Variants in ZGPAT observed in about 807,000 individuals in gnomAD.
The protein encoded by ZGPAT is zinc finger CCCH-type and G-patch domain containing.
A neutral mutation model predicts 47.9 loss-of-function variants in ZGPAT; 39 were observed. The ratio of observed to expected loss-of-function variants is 0.81; its 90% CI spans 0.63 to 1.06. The LOEUF (loss-of-function observed/expected upper bound fraction) is 1.06. ZGPAT is among the 50% of genes least tolerant of loss of function. The pLI is 0.00. For missense variants in ZGPAT, 717 were observed against 681.4 expected (o/e 1.05, Z -0.58); for synonymous variants, 348 against 292.9 (o/e 1.19, Z -1.92).
chr20:63,722,827 C>T (rs1195228039), intron 2 of ZGPAT, among the ~76,000 whole-genome samples: 2 of 152,138 alleles, frequency 1.3e-5, no homozygotes, highest in Admixed American at 6.6e-5. Flanking sequence ...GATGAGGTTT[C>T]ACCATGTTGG....
intron 2 of ZGPAT, among the ~76,000 whole-genome samples, chr20:63,718,990 C>T (rs953770313): frequency 2.7e-5 from 4 of 150,196 alleles, no homozygotes; most frequent in East Asian, 2.0e-4. Context: ...GGCGTGAACC[C>T]GGGAGGTGGA....
chr20:63,719,598 C>A (rs2091766667), intron 2 of ZGPAT, among the ~76,000 whole-genome samples: 1 of 152,014 alleles, frequency 6.6e-6, no homozygotes, highest in African/African-American at 2.4e-5. Flanking sequence ...TACTTTTTAG[C>A]TCCAAAGTTT....
chr20:63,733,841 G>C (rs1483396294), intron 4 of ZGPAT, 102 bp downstream of exon 4: 2 of 1,471,044 alleles, frequency 1.4e-6, no homozygotes, highest in Non-Finnish European at 9.1e-7. Flanking sequence ...CTATTGGAGA[G>C]TGTGTGACTG....
At chr20:63,722,708 C>T (rs1468987712) in intron 2 of ZGPAT, among the ~76,000 whole-genome samples, 2 of 151,646 alleles carry the variant, frequency 1.3e-5, no homozygotes, top group African/African-American at 2.4e-5. Context: ...TCTCGGCTCA[C>T]TGCAACCTCC....
intron 2 of ZGPAT, among the ~76,000 whole-genome samples, chr20:63,722,233 T>C (rs2091796240): frequency 1.3e-5 from 2 of 152,136 alleles, no homozygotes; most frequent in Admixed American, 1.3e-4. Flanking sequence ...TGGCTACATG[T>C]GAGCTGGTAG....
intron 2 of ZGPAT, among the ~76,000 whole-genome samples, chr20:63,710,151 C>T (rs1183027524): frequency 6.7e-6 from 1 of 149,112 alleles, no homozygotes; most frequent in Non-Finnish European, 1.5e-5. Context: ...TGAGCCACCG[C>T]GCCTGGCCTT....
chr20:63,708,921 CG>C lies in ZGPAT; in HGVS notation c.343del (p.Ala115GlnfsTer15). 6.2e-7 allele frequency: 1 copy of C among 1,612,170 alleles called. No individual in the cohort carries two copies. Among genetic ancestry groups the C allele is most frequent in the Non-Finnish European group, 8.5e-7 (1 of 1,179,576 alleles). ...AAAGCAGAGGCGGGGCCAGAATCTG[CG>C]GCAGGTGGGCAGGAGGAGGAAGAGG... is the stretch of plus-strand genomic sequence containing the variant. The part of the protein sequence containing the change: ...VPKAEAGPES[A>X]AGGQEEEEGE... On this transcript the variant is annotated frameshift_variant, in exon 2 of 7. Coordinates refer to ENST00000355969, the MANE Select transcript of ZGPAT (RefSeq NM_181485.3). LOFTEE classifies it high-confidence loss of function.
Position 63,732,642 on chromosome 20 carries a change from ATG to A in ZGPAT, c.585-573_585-572del, listed in dbSNP as rs1568800054. 2.3e-4 allele frequency among the ~76,000 whole-genome samples: 8 copies of A among 34,582 alleles called. No homozygotes were observed. In the East Asian group the frequency reaches 0.016, roughly 71 times the overall value. 22.7% of individuals were successfully genotyped at this position (34,582 alleles called of 152,430 possible). A position where few individuals can be genotyped will look rare whatever the true frequency, so the allele number is the denominator to read the frequency against. On this transcript the variant is annotated intron_variant, in intron 2 of 6. Transcript: ENST00000355969. ...GTGTATGTGTATGACGTGTGAGTAC[ATG>A]TGTTAATGTGTGTGTACATGTGTAT... is the stretch of plus-strand genomic sequence containing the variant.
rs775130587 is a variant in ZGPAT, at chr20:63,718,970, G to A, written c.584+9806G>A. Among the ~76,000 whole-genome samples, 6 of 151,920 alleles carry A rather than the reference G, an allele frequency of 3.9e-5. No individual in the cohort carries two copies. The South Asian group carries it at 8.3e-4, about 21-fold the overall frequency. On this transcript the variant is annotated intron_variant, in intron 2 of 6. Coordinates refer to ENST00000355969, the MANE Select transcript of ZGPAT (RefSeq NM_181485.3). The stretch of plus-strand genomic sequence containing the variant: ...AGTCCCAGCTACTCGGGAAGCTGAA[G>A]CAGGAGAATGGCGTGAACCCGGGAG...
chr20:63,727,307 C>T (rs1233492629), intron 2 of ZGPAT, among the ~76,000 whole-genome samples: 1 of 150,106 alleles, frequency 6.7e-6, no homozygotes, highest in Non-Finnish European at 1.5e-5. Context: ...GTGGTGCCAT[C>T]TCGGCTCACT....
In ZGPAT at chr20:63,733,341, C is replaced by T. The variant is rs987183707; in HGVS notation, c.707C>T (p.Ala236Val). The T allele has an allele frequency of 6.2e-7, 1 of 1,611,650 alleles. No homozygotes were observed. The highest frequency in any genetic ancestry group is 1.7e-5 in the Admixed American group (1 of 59,956). The change falls in exon 3 of 7, where the codon GCA becomes GTA. Residue 236 changes from alanine to valine, a missense_variant. Coordinates refer to ENST00000355969, the MANE Select transcript of ZGPAT (RefSeq NM_181485.3). ...AKHQDGLWHA[A>V]RITDVDNGYY... ...CACCAGGATGGCCTCTGGCACGCAG[C>T]ACGCATCACCGGTGAGGCTGGCCGT... is the stretch of plus-strand genomic sequence containing the variant.
chr20:63,721,787 G>A (rs933964802), intron 2 of ZGPAT, among the ~76,000 whole-genome samples: 3 of 152,062 alleles, frequency 2.0e-5, no homozygotes, highest in Non-Finnish European at 4.4e-5. Flanking sequence ...AGGCCGAGGC[G>A]GGTGAATTGC....
chr20:63,732,112 T>C (rs2091911157), intron 2 of ZGPAT, among the ~76,000 whole-genome samples: 1 of 145,584 alleles, frequency 6.9e-6, no homozygotes, highest in Non-Finnish European at 1.5e-5. Context: ...TATGCATATA[T>C]GAGTGAGTGC....
chr20:63,714,062 T>G (rs1014869069), intron 2 of ZGPAT, among the ~76,000 whole-genome samples: 6 of 152,132 alleles, frequency 3.9e-5, no homozygotes, highest in African/African-American at 1.4e-4. Flanking sequence ...GTTTCTAGTT[T>G]GCATGGCATT....
chr20:63,715,942 G>A (rs922877136), intron 2 of ZGPAT, among the ~76,000 whole-genome samples: 11 of 152,116 alleles, frequency 7.2e-5, no homozygotes, highest in African/African-American at 2.2e-4. Context: ...AAGCTAAAAC[G>A]TATAACTGTA....
At chr20:63,721,943 G>A (rs1204944723) in intron 2 of ZGPAT, among the ~76,000 whole-genome samples, 2 of 151,686 alleles carry the variant, frequency 1.3e-5, no homozygotes, top group African/African-American at 2.4e-5. Flanking sequence ...AGCCTGGGAG[G>A]CGGAGGTTGC....
intron 2 of ZGPAT, among the ~76,000 whole-genome samples, chr20:63,730,952 CTCTCTCTCTCTCTCTCTCTG>C (rs2091892995): frequency 6.2e-5 from 9 of 145,720 alleles, no homozygotes; most frequent in African/African-American, 2.5e-4. Context: ...CTCTCTCTCT[CTCTCTCTCTCTCTCTCTCTG>C]TGTGTGTGTG....
In ZGPAT at chr20:63,735,582, C is replaced by G; in HGVS notation, c.1397+18C>G. The G allele has an allele frequency of 6.6e-7, 1 of 1,513,412 alleles. No homozygotes were observed. The highest frequency in any genetic ancestry group is 1.4e-5 in the African/African-American group (1 of 71,888). 93.7% of individuals were successfully genotyped at this position (1,513,412 alleles called of 1,614,324 possible). On this transcript the variant is annotated intron_variant, in intron 6 of 6. Transcript: ENST00000355969. ...GCTGGCCGGTACGTGTGGGGCCCAG[C>G]TCAGGGCAAAGGGCGACCCAGGGTG...
intron 2 of ZGPAT, among the ~76,000 whole-genome samples, chr20:63,721,669 CTT>C (rs1482055260): frequency 6.6e-6 from 1 of 152,142 alleles, no homozygotes; most frequent in Non-Finnish European, 1.5e-5. Context: ...TCTGTCAGCT[CTT>C]TGCCCATCTG....
Sources: gnomAD v4.1 joint callset for allele counts (sites outside exome capture counted in the v4.1 genomes callset) on GRCh38, gnomAD v4.1.1 for gene constraint, MANE v1.5 for transcripts, NCBI Gene and HGNC (gene_info 2026-07-23, HGNC 2026-07-21) for gene names.